Variants in UBR3 observed in about 807,000 individuals in gnomAD.
The protein encoded by UBR3 is ubiquitin protein ligase E3 component n-recognin 3, also known as E3 ubiquitin-protein ligase UBR3.
Under a neutral mutation model 243.2 loss-of-function variants are expected in UBR3, and 85 were observed. The ratio of observed to expected loss-of-function variants is 0.35; its 90% CI spans 0.29 to 0.42. The LOEUF (loss-of-function observed/expected upper bound fraction) is 0.42, where lower values mean the gene tolerates loss of function less well. Among genes scored for constraint, UBR3 ranks in the 10% least tolerant of loss-of-function variants. The pLI is 1.00. For synonymous variants in UBR3, 748 were observed against 799.8 expected (o/e 0.94, Z 1.09); for missense variants, 1,686 against 2,300.8 (o/e 0.73, Z 5.47).
chr2:169,920,422 A>T (rs2085652204), intron 11 of UBR3, among the ~76,000 whole-genome samples: 1 of 152,124 alleles, frequency 6.6e-6, no homozygotes, highest in Admixed American at 6.5e-5. Flanking sequence ...CATATGTAAC[A>T]AACCTGCACA....
intron 35 of UBR3, among the ~76,000 whole-genome samples, chr2:170,065,301 G>A (rs947648722): frequency 4.6e-5 from 7 of 151,014 alleles, no homozygotes; most frequent in Admixed American, 3.3e-4. Flanking sequence ...TTGGGTGGGC[G>A]GGAGGAAGAC....
intron 11 of UBR3, among the ~76,000 whole-genome samples, chr2:169,917,036 C>G (rs1409974666): frequency 6.6e-6 from 1 of 152,120 alleles, no homozygotes; most frequent in African/African-American, 2.4e-5. Context: ...GGGAAGAACC[C>G]TTTGTTATCT....
chr2:170,068,166 A>G (rs970147364), intron 35 of UBR3, among the ~76,000 whole-genome samples: 4 of 152,098 alleles, frequency 2.6e-5, no homozygotes, highest in Admixed American at 6.5e-5. Flanking sequence ...TATCACTTCA[A>G]ATACTTTATT....
At chr2:169,932,367 C>T (rs1473447521) in intron 18 of UBR3, among the ~76,000 whole-genome samples, 2 of 152,020 alleles carry the variant, frequency 1.3e-5, no homozygotes, top group African/African-American at 2.4e-5. Context: ...CATGAGCCAC[C>T]GTGTCCAGCC....
At chr2:169,899,678 G>A (rs1222078341) in intron 8 of UBR3, among the ~76,000 whole-genome samples, 4 of 151,946 alleles carry the variant, frequency 2.6e-5, no homozygotes, top group African/African-American at 9.7e-5. Flanking sequence ...CCGGCCTGGT[G>A]TGTGATGTCC....
rs2082429693 is a variant in UBR3 at position 169,845,380 on chromosome 2, G to A, written c.545+17328G>A. Among the ~76,000 whole-genome samples, 7 of 147,420 alleles carry A rather than the reference G, an allele frequency of 4.7e-5. No homozygotes were observed. The South Asian group carries it at 1.3e-3, about 27-fold the overall frequency. Reference sequence around the variant, plus strand: ...AGAGGCTGCAGTGAGCCAGGATGGCGCCACTGCATTCCAGTCTGGGTGACA... The same window carrying A: ...AGAGGCTGCAGTGAGCCAGGATGGCACCACTGCATTCCAGTCTGGGTGACA... On this transcript the variant is annotated intron_variant, in intron 1 of 38. Coordinates refer to ENST00000272793, the MANE Select transcript of UBR3 (RefSeq NM_172070.4).
At chr2:169,877,419 T>TACTC in intron 3 of UBR3, 75 bp from the exon 4 acceptor site, 1 of 1,288,038 alleles carries the variant, frequency 7.8e-7, no homozygotes, top group Non-Finnish European at 1.0e-6. Context: ...TATTTATAGA[T>TACTC]ACTAGTTAAT....
intron 8 of UBR3, 29 bp downstream of exon 8, chr2:169,896,764 A>G: frequency 1.4e-6 from 2 of 1,452,796 alleles, no homozygotes; most frequent in Non-Finnish European, 1.9e-6. Context: ...CACTAGTTCT[A>G]TTATTATCAG....
chr2:169,857,091 T>TTTTTTTTTTTTTTTTTTTG (rs2082911942), intron 1 of UBR3, among the ~76,000 whole-genome samples: 1 of 118,594 alleles, frequency 8.4e-6, no homozygotes. Flanking sequence ...TTTTTTTTTT[T>TTTTTTTTTTTTTTTTTTTG]GAGACGGAGT....
intron 11 of UBR3, among the ~76,000 whole-genome samples, chr2:169,916,564 C>T (rs186718298): frequency 6.6e-6 from 1 of 152,246 alleles, no homozygotes; most frequent in African/African-American, 2.4e-5. Flanking sequence ...ACTCCCGCAC[C>T]AGACTCCTCC....
chr2:169,873,144 AATT>A (rs1423585411), intron 2 of UBR3, among the ~76,000 whole-genome samples: 1 of 152,106 alleles, frequency 6.6e-6, no homozygotes, highest in Non-Finnish European at 1.5e-5. Flanking sequence ...AGAGGTTTAA[AATT>A]ATTTAGTACT....
At chr2:170,043,203 GTCTC>G (rs1054535869) in intron 32 of UBR3, among the ~76,000 whole-genome samples, 6 of 152,074 alleles carry the variant, frequency 3.9e-5, no homozygotes, top group African/African-American at 1.4e-4. Context: ...AGAGAAGATT[GTCTC>G]TCTGTCACTA....
chr2:169,887,272 A>T (rs2084138884), intron 5 of UBR3, among the ~76,000 whole-genome samples: 1 of 152,198 alleles, frequency 6.6e-6, no homozygotes, highest in Non-Finnish European at 1.5e-5. Context: ...TTAAGGTCTG[A>T]AAAGTTCCTG....
chr2:169,881,729 TTATATATTATATAA>T (rs1278173968), intron 5 of UBR3, among the ~76,000 whole-genome samples: 2 of 139,972 alleles, frequency 1.4e-5, no homozygotes, highest in African/African-American at 2.6e-5. Context: ...TATATTTATA[TTATATATTATATAA>T]TATATATTAT....
chr2:169,859,159 TC>T (rs1212640095), intron 1 of UBR3, among the ~76,000 whole-genome samples: 2 of 149,238 alleles, frequency 1.3e-5, no homozygotes, highest in Non-Finnish European at 1.5e-5. Context: ...GATCTCGGCT[TC>T]ACTGCAAGCT....
chr2:169,912,754 A>G (rs1280821371), intron 10 of UBR3, among the ~76,000 whole-genome samples: 2 of 150,908 alleles, frequency 1.3e-5, no homozygotes, highest in Non-Finnish European at 2.9e-5. Context: ...TGGTAACTCT[A>G]TATTTAACTT....
chr2:170,036,223 G>A (rs561583680), intron 31 of UBR3, among the ~76,000 whole-genome samples: 2 of 152,174 alleles, frequency 1.3e-5, no homozygotes, highest in Admixed American at 6.5e-5. Context: ...GAAGTGGGGA[G>A]TGGGGACATC....
intron 32 of UBR3, among the ~76,000 whole-genome samples, chr2:170,042,444 T>G (rs2090991384): frequency 6.6e-6 from 1 of 152,128 alleles, no homozygotes; most frequent in African/African-American, 2.4e-5. Context: ...TAGAAGTTTT[T>G]GTTTGAGGCC....
chr2:169,940,878 T>G (rs1401897878), intron 19 of UBR3, among the ~76,000 whole-genome samples: 3 of 152,202 alleles, frequency 2.0e-5, no homozygotes, highest in Non-Finnish European at 4.4e-5. Flanking sequence ...AGATTTTAAA[T>G]TATATGCCAT....
Sources: gnomAD v4.1 joint callset for allele counts (sites outside exome capture counted in the v4.1 genomes callset) on GRCh38, gnomAD v4.1.1 for gene constraint, MANE v1.5 for transcripts, NCBI Gene and HGNC (gene_info 2026-07-23, HGNC 2026-07-21) for gene names.